The following FBLN1 variants were observed in gnomAD, a reference collection of about 807,000 sequenced individuals.
FBLN1 encodes the protein fibulin-1.
In FBLN1, 34 loss-of-function variants were observed where a neutral mutation model predicts 89.7. The ratio of observed to expected loss-of-function variants is 0.38; its 90% confidence interval spans 0.29 to 0.50. FBLN1 has a LOEUF of 0.50. FBLN1 is among the 20% of genes least tolerant of loss of function. The probability of loss-of-function intolerance (pLI) is 0.92; values close to 1 mark genes in which losing one functional copy is unlikely to be tolerated. For synonymous variants in FBLN1, 393 were observed against 391.3 expected (o/e 1.00, Z -0.05); for missense variants, 777 against 988.1 (o/e 0.79, Z 2.86).
rs550332986 is a variant in FBLN1, at chr22:45,561,969, T to G, written c.1697+11354T>G. Among the ~76,000 whole-genome samples, 2 of 152,176 alleles carry G rather than the reference T, an allele frequency of 1.3e-5. No homozygotes were observed. The highest frequency in any genetic ancestry group is 2.4e-5 in the African/African-American group (1 of 41,446). Reference sequence around the variant, plus strand: ...TAGTCTAGCCGTGCTGGCAGCTGATTAGATTGTGCCCACCCAGATTAAGGG... The same window carrying G: ...TAGTCTAGCCGTGCTGGCAGCTGATGAGATTGTGCCCACCCAGATTAAGGG... On this transcript the variant is annotated intron_variant, in intron 14 of 16. Transcript: ENST00000327858. This position sits in a 1 kb window ranked among gnomAD's most constrained non-coding sequence, Gnocchi z 4.7.
rs558599542 is a variant in FBLN1 at position 45,536,279 on chromosome 22, T to A, written c.922+942T>A. Among the ~76,000 whole-genome samples, 1 of 151,996 alleles carries A rather than the reference T, an allele frequency of 6.6e-6. No homozygotes were observed. The highest frequency in any genetic ancestry group is 1.5e-5 in the Non-Finnish European group (1 of 67,976). On this transcript the variant is annotated intron_variant, in intron 8 of 16. Coordinates refer to ENST00000327858, the MANE Select transcript of FBLN1 (RefSeq NM_006486.3). The surrounding 1 kb of genome is among the most constrained non-coding windows in gnomAD (Gnocchi z 5.1). ...TGCCGGGGCTGGGCAGGGTGGGGGA[T>A]GGGGAGTGAGTGTTTCCTGGGCGCA...
Position 45,524,882 on chromosome 22 carries a change from C to T in FBLN1, c.186-661C>T, listed in dbSNP as rs564744119. Among the ~76,000 whole-genome samples the T allele has an allele frequency of 1.1e-4, 17 of 152,164 alleles. No individual in the cohort carries two copies. In the East Asian group the frequency reaches 3.1e-3, roughly 28 times the overall value. ...GGGGGATCACCCGAGCTCAGGAGTT[C>T]CAGACCAGCCTGGCCAACACAGTGA... is the stretch of plus-strand genomic sequence containing the variant. On this transcript the variant is annotated intron_variant, in intron 2 of 16. Transcript: ENST00000327858.
At chr22:45,543,083 A>G (rs938567351) in intron 10 of FBLN1, among the ~76,000 whole-genome samples, 1 of 152,216 alleles carries the variant, frequency 6.6e-6, no homozygotes, top group Non-Finnish European at 1.5e-5. Flanking sequence ...CCTGGCCAAC[A>G]TGACGAAACC....
At chr22:45,525,817 G>A in intron 3 of FBLN1, 139 bp downstream of exon 3, 2 of 1,186,464 alleles carry the variant, frequency 1.7e-6, no homozygotes, top group Non-Finnish European at 2.4e-6. Context: ...GGGTTCCTGG[G>A]CCAGGAGGGA....
At chr22:45,573,897 C>T (rs1298738315) in intron 14 of FBLN1, among the ~76,000 whole-genome samples, 4 of 151,958 alleles carry the variant, frequency 2.6e-5, no homozygotes, top group Non-Finnish European at 4.4e-5. Context: ...ATTTTGTATC[C>T]GTGTTTTATT....
In FBLN1 at chr22:45,581,222, C is replaced by G. The variant is rs777876111; in HGVS notation, c.1972+4114C>G. ...GACAGAAAGGCAACTCGAGGCCACCCGGGCTCCCCGGGCCCCTGGGCTATG... is the reference window on the plus strand; with the variant it reads ...GACAGAAAGGCAACTCGAGGCCACCGGGGCTCCCCGGGCCCCTGGGCTATG... On this transcript the variant is annotated intron_variant, in intron 16 of 16. Coordinates refer to ENST00000327858, the MANE Select transcript of FBLN1 (RefSeq NM_006486.3). This position sits in a 1 kb window ranked among gnomAD's most constrained non-coding sequence, Gnocchi z 7.6. Among the ~76,000 whole-genome samples the G allele has an allele frequency of 2.6e-5, 4 of 152,270 alleles. No homozygotes were observed. In the East Asian group the frequency reaches 7.8e-4, roughly 30 times the overall value.
At chr22:45,585,956 C>T (rs1456664209) in intron 16 of FBLN1, among the ~76,000 whole-genome samples, 1 of 152,162 alleles carries the variant, frequency 6.6e-6, no homozygotes. Context: ...CAGAAGTCAC[C>T]CCCGTCACAA....
At position 45,581,474 on chromosome 22, in the gene FBLN1, A is replaced by G. The variant is rs1012029295; in HGVS notation, c.1972+4366A>G. 3.5e-4 allele frequency among the ~76,000 whole-genome samples: 53 copies of G among 152,100 alleles called. No individual in the cohort carries two copies. Among genetic ancestry groups the G allele is most frequent in the Admixed American group, 1.2e-3 (18 of 15,272 alleles). ...CCCTCCCTATTTCTCCAGGGAGGGA[A>G]ATCTGTGTGCTATGAGGCTTGGTTG... On this transcript the variant is annotated intron_variant, in intron 16 of 16. Transcript: ENST00000327858. The surrounding 1 kb of genome is among the most constrained non-coding windows in gnomAD (Gnocchi z 7.6).
rs765508538 is a variant in FBLN1 at position 45,581,499 on chromosome 22, G to A, written c.1972+4391G>A. Among the ~76,000 whole-genome samples the A allele has an allele frequency of 6.6e-6, 1 of 152,122 alleles. No homozygotes were observed. Among genetic ancestry groups the A allele is most frequent in the African/African-American group, 2.4e-5 (1 of 41,432 alleles). On this transcript the variant is annotated intron_variant, in intron 16 of 16. Coordinates refer to ENST00000327858, the MANE Select transcript of FBLN1 (RefSeq NM_006486.3). The surrounding 1 kb of genome is among the most constrained non-coding windows in gnomAD (Gnocchi z 7.6). ...AATCTGTGTGCTATGAGGCTTGGTTGTGGCCACATTTCTGTTAAAACCCTG... is the reference window on the plus strand; with the variant it reads ...AATCTGTGTGCTATGAGGCTTGGTTATGGCCACATTTCTGTTAAAACCCTG...
In FBLN1 at chr22:45,576,823, C is replaced by G. The variant is rs1489659298; in HGVS notation, c.1841-154C>G. On this transcript the variant is annotated intron_variant, in intron 15 of 16. Transcript: ENST00000327858. This position sits in a 1 kb window ranked among gnomAD's most constrained non-coding sequence, Gnocchi z 5.2. The stretch of plus-strand genomic sequence containing the variant: ...GGAAGGTCCAGACCCCTCCACCCTC[C>G]CCACACAGGGGATCTCTGGCTTCAT... Among the ~76,000 whole-genome samples the G allele has an allele frequency of 6.6e-6, 1 of 152,032 alleles. No individual in the cohort carries two copies. The highest frequency in any genetic ancestry group is 2.4e-5 in the African/African-American group (1 of 41,376).
At chr22:45,533,950 G>A in intron 7 of FBLN1, 52 bp downstream of exon 7, 1 of 1,610,172 alleles carries the variant, frequency 6.2e-7, no homozygotes, top group Non-Finnish European at 8.5e-7. Context: ...CGTAGATACG[G>A]CGCGGTGGGA....
At chr22:45,539,675 T>C (rs1460657869) in intron 8 of FBLN1, among the ~76,000 whole-genome samples, 2 of 152,238 alleles carry the variant, frequency 1.3e-5, no homozygotes, top group African/African-American at 4.8e-5. Flanking sequence ...TTTTCCCATG[T>C]GAATCCCTGA....
intron 14 of FBLN1, chr22:45,551,237 G>A (rs1297175463): frequency 5.9e-6 from 1 of 170,370 alleles, no homozygotes; most frequent in African/African-American, 2.4e-5. Flanking sequence ...GCCCCTAATT[G>A]TATTCAGAAA....
chr22:45,597,328 T>G lies in FBLN1; in HGVS notation c.1973-2979T>G, dbSNP rs1386464047. Among the ~76,000 whole-genome samples the G allele has an allele frequency of 2.0e-5, 3 of 152,090 alleles. No individual in the cohort carries two copies. The highest frequency in any genetic ancestry group is 4.4e-5 in the Non-Finnish European group (3 of 68,030). ...AACAAAGACATATCTGACTGTTGCT[T>G]GTGGAGGTGCCTGCCATTCCTCCCT... On this transcript the variant is annotated intron_variant, in intron 16 of 16. Coordinates refer to ENST00000327858, the MANE Select transcript of FBLN1 (RefSeq NM_006486.3). This position sits in a 1 kb window ranked among gnomAD's most constrained non-coding sequence, Gnocchi z 4.2.
rs2088426686 is a variant in FBLN1, at chr22:45,532,809, C to T, written c.545-254C>T. The T allele has an allele frequency of 1.7e-6, 1 of 573,484 alleles. No homozygotes were observed. 35.5% of individuals were successfully genotyped at this position (573,484 alleles called of 1,614,324 possible). A position where few individuals can be genotyped will look rare whatever the true frequency, so the allele number is the denominator to read the frequency against. On this transcript the variant is annotated intron_variant, in intron 5 of 16. Transcript: ENST00000327858. This position sits in a 1 kb window ranked among gnomAD's most constrained non-coding sequence, Gnocchi z 4.2. ...CCCCTTCCAGGTCCACCCCAGCCTA[C>T]AAAGGGCACCCTGCACACCACCTGA... is the stretch of plus-strand genomic sequence containing the variant.
chr22:45,542,068 TC>T, intron 9 of FBLN1, 86 bp from the exon 10 acceptor site: 1 of 1,593,568 alleles, frequency 6.3e-7, no homozygotes, highest in South Asian at 1.1e-5. Flanking sequence ...GTCCATGTGT[TC>T]CTTTCTTGCT....
rs2146993641 is a variant in FBLN1, at chr22:45,549,768, C to T, written c.1574-724C>T. On this transcript the variant is annotated intron_variant, in intron 13 of 16. Transcript: ENST00000327858. This position sits in a 1 kb window ranked among gnomAD's most constrained non-coding sequence, Gnocchi z 5.7. Reference sequence around the variant, plus strand: ...CCTGAGCCCCACTGTTTGGCTGCTCCAGAGTCTATGGGAGTTGGGCTGCTC... The same window carrying T: ...CCTGAGCCCCACTGTTTGGCTGCTCTAGAGTCTATGGGAGTTGGGCTGCTC... Among the ~76,000 whole-genome samples, 1 of 152,308 alleles carries T rather than the reference C, an allele frequency of 6.6e-6. No homozygotes were observed. Among genetic ancestry groups the T allele is most frequent in the South Asian group, 2.1e-4 (1 of 4,826 alleles).
At chr22:45,527,738 A>G (rs1451479946) in intron 3 of FBLN1, 109 bp from the exon 4 acceptor site, 3 of 1,124,388 alleles carry the variant, frequency 2.7e-6, no homozygotes, top group African/African-American at 1.5e-5. Flanking sequence ...TCATCACTCT[A>G]CAGGTTGTGT....
intron 2 of FBLN1, among the ~76,000 whole-genome samples, chr22:45,520,708 G>A (rs531817967): frequency 6.0e-4 from 92 of 152,324 alleles, no homozygotes; most frequent in Admixed American, 2.7e-3. Context: ...AACTGAGGCC[G>A]CAGATTCAGC....
Sources: gnomAD v4.1 joint callset for allele counts (sites outside exome capture counted in the v4.1 genomes callset) on GRCh38, gnomAD v4.1.1 for gene constraint, Gnocchi (gnomAD v3.1) non-coding constraint, MANE v1.5 for transcripts, NCBI Gene and HGNC (gene_info 2026-07-23, HGNC 2026-07-21) for gene names.